CAMSAP1: variants seen among roughly 807,000 people sequenced by gnomAD.
The protein encoded by CAMSAP1 is calmodulin-regulated spectrin-associated protein 1.
Under a neutral mutation model 143.5 loss-of-function variants are expected in CAMSAP1, and 58 were observed. That is an observed-to-expected ratio of 0.40 (90% CI 0.33 to 0.50). CAMSAP1 has a LOEUF of 0.50. Ranked by LOEUF, CAMSAP1 falls within the 20% of genes least tolerant of loss-of-function variation. The probability of loss-of-function intolerance (pLI) is 0.45; values close to 1 mark genes in which losing one functional copy is unlikely to be tolerated. For synonymous variants in CAMSAP1, 945 were observed against 859.3 expected, an observed-to-expected ratio of 1.10 and a Z score of -1.74; for missense variants, 1,969 against 2,115.7, an observed-to-expected ratio of 0.93 and a Z score of 1.36.
rs1398392236 is a variant in CAMSAP1 at position 135,882,161 on chromosome 9, T to G, written c.424-367A>C. Among the ~76,000 whole-genome samples, 2 of 152,220 alleles carry G rather than the reference T, an allele frequency of 1.3e-5. No homozygotes were observed. Among genetic ancestry groups the G allele is most frequent in the African/African-American group, 4.8e-5 (2 of 41,452 alleles). On this transcript the variant is annotated intron_variant, in intron 2 of 16. Coordinates refer to ENST00000389532, the MANE Select transcript of CAMSAP1 (RefSeq NM_015447.4). This position sits in a 1 kb window ranked among gnomAD's most constrained non-coding sequence, Gnocchi z 4.9. ...GTTGTGGGAAGGCAGACAGGAGACC[T>G]GCCCCAGGCCAACTGCCCACCAGAG... is the stretch of plus-strand genomic sequence containing the variant.
chr9:135,820,851 G>C lies in CAMSAP1; in HGVS notation c.3810C>G (p.Gly1270=), dbSNP rs1426407765. 1 of 1,612,862 alleles carries C rather than the reference G, an allele frequency of 6.2e-7. No homozygotes were observed. Among genetic ancestry groups the C allele is most frequent in the Non-Finnish European group, 8.5e-7 (1 of 1,179,844 alleles). The change falls in exon 11 of 17, where the codon GGC becomes GGG. Residue 1270 remains glycine, a synonymous_variant. Coordinates refer to ENST00000389532, the MANE Select transcript of CAMSAP1 (RefSeq NM_015447.4). This position sits in a 1 kb window ranked among gnomAD's most constrained non-coding sequence, Gnocchi z 4.4. ...VSEGDQKPGV[G]FFFKDEQKAE... Reference sequence around the variant, plus strand: ...ACCAATCCCTTACCTTGAAGAAGAAGCCGACCCCCGGCTTCTGGTCGCCTT... The same window carrying C: ...ACCAATCCCTTACCTTGAAGAAGAACCCGACCCCCGGCTTCTGGTCGCCTT...
intron 3 of CAMSAP1, among the ~76,000 whole-genome samples, chr9:135,872,726 T>C (rs932991736): frequency 2.0e-5 from 3 of 152,248 alleles, no homozygotes; most frequent in East Asian, 3.8e-4. Flanking sequence ...TTAAATGAAG[T>C]AGACTTCTGG....
rs371452664 is a variant in CAMSAP1 at position 135,882,802 on chromosome 9, C to T, written c.423+14G>A. ...GAGGATGGCCCCTGGGGGCGGCCAC[C>T]GCAGACCACTCACCATTTTTATGGG... is the stretch of plus-strand genomic sequence containing the variant. On this transcript the variant is annotated intron_variant, in intron 2 of 16. Coordinates refer to ENST00000389532, the MANE Select transcript of CAMSAP1 (RefSeq NM_015447.4). This position sits in a 1 kb window ranked among gnomAD's most constrained non-coding sequence, Gnocchi z 4.9. 1.5e-4 allele frequency: 239 copies of T among 1,545,802 alleles called. 1 individual carries two copies. In the African/African-American group the frequency reaches 2.6e-3, roughly 17 times the overall value.
intron 1 of CAMSAP1, among the ~76,000 whole-genome samples, chr9:135,884,712 G>C (rs1838070216): frequency 6.6e-6 from 1 of 152,128 alleles, no homozygotes; most frequent in Non-Finnish European, 1.5e-5. Flanking sequence ...GTAACACAAG[G>C]AACAGGCCCC....
chr9:135,815,873 A>G lies in CAMSAP1; in HGVS notation c.4387+17T>C. ...GCCATGCCCACGATGACCTCTAAGGAGGGCGAACGCCGTCACCTGTGTACT... is the reference window on the plus strand; with the variant it reads ...GCCATGCCCACGATGACCTCTAAGGGGGGCGAACGCCGTCACCTGTGTACT... On this transcript the variant is annotated intron_variant, in intron 15 of 16. Transcript: ENST00000389532. 1 of 1,607,404 alleles carries G rather than the reference A, an allele frequency of 6.2e-7. No homozygotes were observed. Among genetic ancestry groups the G allele is most frequent in the South Asian group, 1.1e-5 (1 of 90,954 alleles).
At chr9:135,895,049 C>A (rs1204508164) in intron 1 of CAMSAP1, among the ~76,000 whole-genome samples, 1 of 152,124 alleles carries the variant, frequency 6.6e-6, no homozygotes, top group Non-Finnish European at 1.5e-5. Context: ...AGAATCTACC[C>A]AATCTGAACA....
chr9:135,898,048 T>C (rs150161825), intron 1 of CAMSAP1, among the ~76,000 whole-genome samples: 140 of 151,894 alleles, frequency 9.2e-4, no homozygotes, highest in African/African-American at 3.2e-3. Context: ...AGCACTAGAG[T>C]CTTACATCAG....
At chr9:135,835,844 G>A (rs1836011564) in intron 7 of CAMSAP1, among the ~76,000 whole-genome samples, 1 of 152,166 alleles carries the variant, frequency 6.6e-6, no homozygotes, top group Admixed American at 6.5e-5. Context: ...GCCAGGCATG[G>A]TGGTGCGCAC....
At chr9:135,883,769 C>T (rs907426387) in intron 1 of CAMSAP1, among the ~76,000 whole-genome samples, 5 of 152,208 alleles carry the variant, frequency 3.3e-5, no homozygotes, top group African/African-American at 7.2e-5. Context: ...CAAATGAGGA[C>T]TACCATCTGC....
At chr9:135,844,015 T>G (rs866732104) in intron 7 of CAMSAP1, among the ~76,000 whole-genome samples, 22 of 152,006 alleles carry the variant, frequency 1.4e-4, no homozygotes, top group African/African-American at 4.8e-4. Flanking sequence ...GTGGGAGACT[T>G]TAACACCCCA....
At chr9:135,863,053 C>T (rs1564446599) in intron 4 of CAMSAP1, among the ~76,000 whole-genome samples, 1 of 152,104 alleles carries the variant, frequency 6.6e-6, no homozygotes, top group Non-Finnish European at 1.5e-5. Flanking sequence ...TATCACTAGC[C>T]TCAGTCATTA....
At chr9:135,902,694 C>T (rs893759763) in intron 1 of CAMSAP1, among the ~76,000 whole-genome samples, 9 of 152,240 alleles carry the variant, frequency 5.9e-5, no homozygotes, top group African/African-American at 9.6e-5. Flanking sequence ...TCACAGGCCA[C>T]AGCATCCTCA....
intron 1 of CAMSAP1, among the ~76,000 whole-genome samples, chr9:135,903,392 G>T (rs939984161): frequency 6.6e-6 from 1 of 152,204 alleles, no homozygotes; most frequent in Admixed American, 6.5e-5. Context: ...GAAAGGGAGG[G>T]GGACCTAAAA....
At chr9:135,844,461 G>A (rs943974368) in intron 7 of CAMSAP1, among the ~76,000 whole-genome samples, 2 of 152,148 alleles carry the variant, frequency 1.3e-5, no homozygotes, top group African/African-American at 2.4e-5. Context: ...AGTGTTTAGA[G>A]GGAAATTTAT....
chr9:135,817,585 G>A (rs923243005), intron 14 of CAMSAP1, among the ~76,000 whole-genome samples: 45 of 149,990 alleles, frequency 3.0e-4, no homozygotes, highest in Non-Finnish European at 1.5e-5. Context: ...TTGTAGAGAT[G>A]GGGGGGTCTC....
At chr9:135,866,586 T>C (rs879750240) in intron 3 of CAMSAP1, 50 bp from the exon 4 acceptor site, 17 of 856,678 alleles carry the variant, frequency 2.0e-5, no homozygotes, top group South Asian at 5.7e-5. Context: ...TCCCGCACAA[T>C]TGTATCTCCA....
At position 135,821,789 on chromosome 9, in the gene CAMSAP1, G is replaced by T; in HGVS notation, c.2872C>A (p.Leu958Ile). Residue 958 changes from leucine (L) to isoleucine (I), a missense_variant, in exon 11 of 17, where the codon CTC becomes ATC. Around this residue, in one of 4 missense-constraint regions of CAMSAP1, gnomAD observed 1,390 missense variants for 1,420.8 expected, o/e 0.98. Coordinates refer to ENST00000389532, the MANE Select transcript of CAMSAP1 (RefSeq NM_015447.4). The surrounding 1 kb of genome is among the most constrained non-coding windows in gnomAD (Gnocchi z 4.6). ...TCCTCTCTCTGCTCCTCCTTCACGA[G>T]AAAGTCTTCGGTTTTGGAAACAGCG... ...GDAVSKTEDF[L>I]VKEEQREELL... The T allele has an allele frequency of 6.2e-7, 1 of 1,614,006 alleles. No individual in the cohort carries two copies. The highest frequency in any genetic ancestry group is 1.1e-5 in the South Asian group (1 of 91,084).
At chr9:135,856,390 C>T (rs982579244) in intron 5 of CAMSAP1, among the ~76,000 whole-genome samples, 2 of 152,166 alleles carry the variant, frequency 1.3e-5, no homozygotes, top group African/African-American at 4.8e-5. Context: ...GAAACTGCCC[C>T]TGTGATTCAA....
In CAMSAP1 at chr9:135,876,055, A is replaced by C. The variant is rs192705411; in HGVS notation, c.585+5578T>G. Among the ~76,000 whole-genome samples, 255 of 152,318 alleles carry C rather than the reference A, an allele frequency of 1.7e-3. 1 individual carries two copies. The highest frequency in any genetic ancestry group is 0.01 in the Middle Eastern group (3 of 294). On this transcript the variant is annotated intron_variant, in intron 3 of 16. Coordinates refer to ENST00000389532, the MANE Select transcript of CAMSAP1 (RefSeq NM_015447.4). ...ACTGCAACCTCCACCTCCCTGGTTC[A>C]AGTGATTCTCCTGCCTCAGCCTCCT...
Sources: allele counts gnomAD v4.1 joint callset (sites outside exome capture counted in the v4.1 genomes callset), GRCh38; gene constraint gnomAD v4.1.1; regional missense constraint gnomAD v4.1.1; non-coding constraint Gnocchi (gnomAD v3.1); transcripts MANE v1.5; gene names NCBI Gene and HGNC (gene_info 2026-07-23, HGNC 2026-07-21).